AFF3: variants seen among roughly 807,000 people sequenced by gnomAD.
AFF3 encodes the protein AF4/FMR2 family member 3.
AFF3 carries 32 observed loss-of-function variants against 129.7 expected under a neutral mutation model. The ratio of observed to expected loss-of-function variants is 0.25; its 90% CI spans 0.19 to 0.33. The LOEUF is 0.33. Ranked by LOEUF, AFF3 falls within the 10% of genes least tolerant of loss-of-function variation. The pLI is 1.00. For synonymous variants in AFF3, 644 were observed against 635.4 expected, an observed-to-expected ratio of 1.01 and a Z score of -0.20; for missense variants, 1,373 against 1,592.0, an observed-to-expected ratio of 0.86 and a Z score of 2.34.
At chr2:99,864,206 A>G (rs2105926859) in intron 7 of AFF3, among the ~76,000 whole-genome samples, 1 of 152,328 alleles carries the variant, frequency 6.6e-6, no homozygotes, top group South Asian at 2.1e-4. Flanking sequence ...CAAAAAACAG[A>G]TGGGGAATAA....
chr2:99,729,797 G>A (rs981857617), intron 10 of AFF3, among the ~76,000 whole-genome samples: 3 of 142,294 alleles, frequency 2.1e-5, no homozygotes, highest in Admixed American at 1.5e-4. Context: ...AAAGACAGCT[G>A]TCTCCAGGGT....
intron 7 of AFF3, among the ~76,000 whole-genome samples, chr2:99,966,163 C>T (rs1283092618): frequency 6.6e-6 from 1 of 152,078 alleles, no homozygotes; most frequent in Non-Finnish European, 1.5e-5. Flanking sequence ...TGTCAGGACT[C>T]CCACCTAGTT....
At chr2:99,963,248 A>C (rs1041121595) in intron 7 of AFF3, among the ~76,000 whole-genome samples, 3 of 152,160 alleles carry the variant, frequency 2.0e-5, no homozygotes, top group Non-Finnish European at 4.4e-5. Flanking sequence ...GAAAGAAAAG[A>C]GCATTTGTAC....
chr2:99,885,690 G>A (rs965863398), intron 7 of AFF3, among the ~76,000 whole-genome samples: 2 of 152,090 alleles, frequency 1.3e-5, no homozygotes, highest in Non-Finnish European at 2.9e-5. Flanking sequence ...TAGAGGTTGT[G>A]AAAGATACTG....
intron 1 of AFF3, among the ~76,000 whole-genome samples, chr2:100,138,149 T>C (rs903675521): frequency 2.0e-5 from 3 of 152,180 alleles, no homozygotes; most frequent in African/African-American, 7.2e-5. Flanking sequence ...TATCTTCCCT[T>C]CCTGTTACCA....
intron 11 of AFF3, among the ~76,000 whole-genome samples, chr2:99,713,890 G>A (rs1261059677): frequency 6.6e-6 from 1 of 151,850 alleles, no homozygotes; most frequent in Non-Finnish European, 1.5e-5. Context: ...TAGTAGAGAT[G>A]GGGTTTCACC....
chr2:99,969,016 T>C (rs1347250554), intron 7 of AFF3, among the ~76,000 whole-genome samples: 1 of 152,218 alleles, frequency 6.6e-6, no homozygotes. Context: ...CAGCAGGCTC[T>C]GGAGTCGGGC....
chr2:99,702,541 T>C (rs1676965459), intron 11 of AFF3, among the ~76,000 whole-genome samples: 1 of 152,064 alleles, frequency 6.6e-6, no homozygotes, highest in African/African-American at 2.4e-5. Flanking sequence ...GGTTTCACCA[T>C]GTTAGCCAGG....
intron 4 of AFF3, among the ~76,000 whole-genome samples, chr2:100,090,636 TG>T (rs1689774267): frequency 2.0e-5 from 3 of 152,170 alleles, no homozygotes; most frequent in Non-Finnish European, 4.4e-5. Flanking sequence ...TATACCTCAC[TG>T]TACCTGCTGG....
At chr2:99,558,777 A>G in intron 22 of AFF3, 98 bp downstream of exon 22, 1 of 1,214,478 alleles carries the variant, frequency 8.2e-7, no homozygotes, top group Non-Finnish European at 1.2e-6. Flanking sequence ...GGTGACCTGC[A>G]TTAACCCCAA....
intron 7 of AFF3, among the ~76,000 whole-genome samples, chr2:99,906,734 A>G (rs930200562): frequency 6.6e-6 from 1 of 152,006 alleles, no homozygotes; most frequent in Non-Finnish European, 1.5e-5. Flanking sequence ...TTCTTTCTAC[A>G]CTGCTCTTCC....
chr2:99,594,060 C>T lies in AFF3; in HGVS notation c.1601G>A (p.Arg534Lys). The T allele has an allele frequency of 1.2e-6, 2 of 1,613,304 alleles. No individual in the cohort carries two copies. Among genetic ancestry groups the T allele is most frequent in the Non-Finnish European group, 1.7e-6 (2 of 1,179,476 alleles). Residue 534 changes from arginine to lysine, a missense_variant, in exon 15 of 25, where the codon AGG becomes AAG. Arg to Lys is a conservative substitution (Grantham distance 26). Transcript: ENST00000672756. ...ACTCCCAGGGGCCTTGTTGGCTGTC[C>T]TTGGCCTTTGCTCCTCCTTGCAAGT... ...KSTCKEEQRP[R>K]TANKAPGSKG...
At chr2:99,776,676 C>T (rs1683928487) in intron 8 of AFF3, among the ~76,000 whole-genome samples, 1 of 152,206 alleles carries the variant, frequency 6.6e-6, no homozygotes, top group Non-Finnish European at 1.5e-5. Flanking sequence ...TTCCACCATT[C>T]CGGCAGTGGG....
chr2:99,861,969 T>G (rs1217239042), intron 7 of AFF3, among the ~76,000 whole-genome samples: 1 of 152,184 alleles, frequency 6.6e-6, no homozygotes, highest in Non-Finnish European at 1.5e-5. Flanking sequence ...TGCCACCTTT[T>G]TTAGGCTTCC....
intron 7 of AFF3, among the ~76,000 whole-genome samples, chr2:99,946,711 T>G (rs1675609700): frequency 6.6e-6 from 1 of 152,070 alleles, no homozygotes; most frequent in African/African-American, 2.4e-5. Context: ...AAAGTTTACG[T>G]TTTTTACTAC....
chr2:99,825,643 T>C (rs1160122669), intron 8 of AFF3, among the ~76,000 whole-genome samples: 2 of 152,218 alleles, frequency 1.3e-5, no homozygotes, highest in Non-Finnish European at 2.9e-5. Flanking sequence ...CTTGATTTCT[T>C]CAACTTGTAA....
At chr2:99,748,047 G>A (rs1305349592) in intron 9 of AFF3, among the ~76,000 whole-genome samples, 4 of 151,990 alleles carry the variant, frequency 2.6e-5, no homozygotes, top group Non-Finnish European at 4.4e-5. Flanking sequence ...GGCAAACCTC[G>A]GGTCCTGGGG....
intron 7 of AFF3, among the ~76,000 whole-genome samples, chr2:99,979,722 A>G (rs1017827067): frequency 6.6e-6 from 1 of 152,042 alleles, no homozygotes; most frequent in Non-Finnish European, 1.5e-5. Context: ...GCCTCAAGCA[A>G]TTCCCCCTCT....
rs1674279958 is a variant in AFF3 at position 99,549,765 on chromosome 2, G to A, written c.*1709C>T. ...GTCATTTATACAATTTTGAATCAGT[G>A]CTCAGAGCTAAGGAATTATGATGAT... On this transcript the variant is annotated 3_prime_UTR_variant, in exon 25 of 25. Coordinates refer to ENST00000672756, the MANE Select transcript of AFF3 (RefSeq NM_001386135.1). The A allele has an allele frequency of 9.2e-6, 2 of 218,568 alleles. No homozygotes were observed. Among genetic ancestry groups the A allele is most frequent in the East Asian group, 6.7e-5 (1 of 14,904 alleles). The allele number at this position is 218,568 out of a possible 1,614,324, so 13.5% of individuals were successfully genotyped here. A position where few individuals can be genotyped will look rare whatever the true frequency, so the allele number is the denominator to read the frequency against.
Sources: allele counts gnomAD v4.1 joint callset (sites outside exome capture counted in the v4.1 genomes callset), GRCh38; gene constraint gnomAD v4.1.1; transcripts MANE v1.5; gene names NCBI Gene and HGNC (gene_info 2026-07-23, HGNC 2026-07-21).